The following SNX9 variants were observed in gnomAD, a reference collection of about 807,000 sequenced individuals.
SNX9 encodes the protein sorting nexin-9.
In SNX9, 44 loss-of-function variants were observed where a neutral mutation model predicts 89.4. The ratio of observed to expected loss-of-function variants is 0.49; its 90% CI spans 0.39 to 0.63. SNX9 has a LOEUF of 0.63. SNX9 is among the 30% of genes least tolerant of loss of function. The pLI, the probability that SNX9 is intolerant of heterozygous loss-of-function variation, is 0.00. For synonymous variants in SNX9, 236 were observed against 247.8 expected, an observed-to-expected ratio of 0.95 and a Z score of 0.45; for missense variants, 578 against 736.1, an observed-to-expected ratio of 0.79 and a Z score of 2.49.
intron 4 of SNX9, among the ~76,000 whole-genome samples, chr6:157,895,248 A>C (rs1401319635): frequency 6.6e-6 from 1 of 152,214 alleles, no homozygotes. Flanking sequence ...TAAGGCCTGC[A>C]GTTGCTTGTC....
chr6:157,870,533 C>G (rs1782380903), intron 2 of SNX9, among the ~76,000 whole-genome samples: 1 of 147,656 alleles, frequency 6.8e-6, no homozygotes. Context: ...TGCAAGCACG[C>G]ACACCCCTCA....
chr6:157,868,084 T>G (rs961838872), intron 2 of SNX9, among the ~76,000 whole-genome samples: 2 of 152,332 alleles, frequency 1.3e-5, no homozygotes, highest in Admixed American at 1.3e-4. Flanking sequence ...TGATTGATCC[T>G]ATCATCATTT....
At chr6:157,892,253 G>T (rs1037976654) in intron 4 of SNX9, among the ~76,000 whole-genome samples, 1 of 152,128 alleles carries the variant, frequency 6.6e-6, no homozygotes, top group South Asian at 2.1e-4. Context: ...AGTGAAGAAG[G>T]CAGAGATCGA....
rs114324976 is a variant in SNX9, at chr6:157,824,391, A to G, written c.12+945A>G. On this transcript the variant is annotated intron_variant, in intron 1 of 17. Transcript: ENST00000392185. ...TGAGCCATTAACTGATCTGTGATAC[A>G]CTGTGAGGAGTGGGTTTACTTTTGC... 3.8e-3 allele frequency among the ~76,000 whole-genome samples: 574 copies of G among 152,224 alleles called. 2 individuals are homozygous for G. The highest frequency in any genetic ancestry group is 0.013 in the African/African-American group (545 of 41,540).
intron 12 of SNX9, among the ~76,000 whole-genome samples, chr6:157,931,887 C>T (rs1418439978): frequency 6.6e-6 from 1 of 152,150 alleles, no homozygotes; most frequent in African/African-American, 2.4e-5. Context: ...AGCGCGGTGT[C>T]GCTAGAAGTA....
chr6:157,911,313 A>G (rs1253799477), intron 9 of SNX9, among the ~76,000 whole-genome samples: 3 of 152,200 alleles, frequency 2.0e-5, no homozygotes, highest in African/African-American at 7.2e-5. Context: ...TGAGATGCTC[A>G]CCTGAACCTA....
Position 157,823,356 on chromosome 6 carries a change from CT to C in SNX9, c.-76del. On this transcript the variant is annotated 5_prime_UTR_variant, in exon 1 of 18. Transcript: ENST00000392185. This position sits in a 1 kb window ranked among gnomAD's most constrained non-coding sequence, Gnocchi z 4.6. ...CCGGAGCCGCCGCCCTCGCCCTTGC[CT>C]TTGCCTGCGCGGCTCAGAATCACCA... 3.2e-6 allele frequency: 4 copies of C among 1,245,438 alleles called. No individual in the cohort carries two copies. Among genetic ancestry groups the C allele is most frequent in the African/African-American group, 1.6e-5 (1 of 62,264 alleles). The allele number at this position is 1,245,438 out of a possible 1,614,324, so 77.1% of individuals were successfully genotyped here.
intron 14 of SNX9, among the ~76,000 whole-genome samples, chr6:157,937,119 ATTTG>A (rs1392920371): frequency 6.6e-6 from 1 of 152,236 alleles, no homozygotes; most frequent in Non-Finnish European, 1.5e-5. Flanking sequence ...ACAACAACTC[ATTTG>A]TTTGTGTGTA....
intron 5 of SNX9, among the ~76,000 whole-genome samples, 187 bp downstream of exon 5, chr6:157,897,185 T>C (rs1782997820): frequency 7.0e-6 from 1 of 142,844 alleles, no homozygotes. Context: ...CTGAGTGTCC[T>C]ACAGTCATGA....
chr6:157,854,416 G>T (rs1202404534), intron 1 of SNX9, among the ~76,000 whole-genome samples: 1 of 152,106 alleles, frequency 6.6e-6, no homozygotes, highest in Non-Finnish European at 1.5e-5. Flanking sequence ...GAGAAAATAT[G>T]AATAAATAAA....
chr6:157,937,076 T>G (rs1001030305), intron 14 of SNX9, among the ~76,000 whole-genome samples: 8 of 152,246 alleles, frequency 5.3e-5, no homozygotes, highest in Non-Finnish European at 4.4e-5. Flanking sequence ...TTTAATATTT[T>G]TATATTCTCT....
chr6:157,853,724 T>C (rs1781955365), intron 1 of SNX9, among the ~76,000 whole-genome samples: 1 of 152,142 alleles, frequency 6.6e-6, no homozygotes, highest in African/African-American at 2.4e-5. Context: ...CCAGAACCTT[T>C]GGTGGACTGG....
At chr6:157,902,376 ACT>A (rs1459416076) in intron 6 of SNX9, among the ~76,000 whole-genome samples, 2 of 152,146 alleles carry the variant, frequency 1.3e-5, no homozygotes, top group Non-Finnish European at 2.9e-5. Context: ...AATAATAACA[ACT>A]CTCTTTTAAA....
At chr6:157,902,565 G>A (rs1783127936) in intron 6 of SNX9, among the ~76,000 whole-genome samples, 1 of 152,132 alleles carries the variant, frequency 6.6e-6, no homozygotes, top group Non-Finnish European at 1.5e-5. Context: ...AGGCCCTCAG[G>A]CGCCAAAGCA....
At chr6:157,854,506 T>C (rs1243981089) in intron 1 of SNX9, among the ~76,000 whole-genome samples, 1 of 152,232 alleles carries the variant, frequency 6.6e-6, no homozygotes, top group Non-Finnish European at 1.5e-5. Context: ...TCTAATTGCT[T>C]CTGTGCATGT....
intron 10 of SNX9, among the ~76,000 whole-genome samples, chr6:157,922,378 A>T (rs1362253225): frequency 6.6e-6 from 1 of 152,258 alleles, no homozygotes; most frequent in Non-Finnish European, 1.5e-5. Flanking sequence ...CCTAAAGAAT[A>T]AAAGCAGGAG....
intron 9 of SNX9, among the ~76,000 whole-genome samples, chr6:157,915,293 GTAAATT>G (rs1254688921): frequency 6.6e-6 from 1 of 151,890 alleles, no homozygotes; most frequent in Non-Finnish European, 1.5e-5. Flanking sequence ...GCCTTTCCTA[GTAAATT>G]TAAATGTCAG....
In SNX9 at chr6:157,942,968, C is replaced by A. The variant is rs1672997781; in HGVS notation, c.*130C>A. The A allele has an allele frequency of 2.1e-6, 2 of 941,350 alleles. No individual in the cohort carries two copies. Among genetic ancestry groups the A allele is most frequent in the Admixed American group, 3.1e-5 (1 of 32,626 alleles). 58.3% of individuals were successfully genotyped at this position (941,350 alleles called of 1,614,324 possible). On this transcript the variant is annotated 3_prime_UTR_variant, in exon 18 of 18. Coordinates refer to ENST00000392185, the MANE Select transcript of SNX9 (RefSeq NM_016224.5). Reference sequence around the variant, plus strand: ...ACCAAAAAGAAAGAGTTGCAAAAAACTGCATTTATTTTATTAGCCACCCTA... The same window carrying A: ...ACCAAAAAGAAAGAGTTGCAAAAAAATGCATTTATTTTATTAGCCACCCTA...
At chr6:157,882,824 T>A (rs1782653215) in intron 4 of SNX9, among the ~76,000 whole-genome samples, 1 of 152,200 alleles carries the variant, frequency 6.6e-6, no homozygotes, top group Non-Finnish European at 1.5e-5. Context: ...TGAGATGGAA[T>A]CTATTCGTGG....
Sources: gnomAD v4.1 joint callset for allele counts (sites outside exome capture counted in the v4.1 genomes callset) on GRCh38, gnomAD v4.1.1 for gene constraint, Gnocchi (gnomAD v3.1) non-coding constraint, MANE v1.5 for transcripts, NCBI Gene and HGNC (gene_info 2026-07-23, HGNC 2026-07-21) for gene names.